CAMK4: variants seen among roughly 807,000 people sequenced by gnomAD.
CAMK4 encodes the protein calcium/calmodulin-dependent protein kinase type IV.
In CAMK4, 22 loss-of-function variants were observed where a neutral mutation model predicts 44.9. That is an observed-to-expected ratio of 0.49 (90% CI 0.35 to 0.70). The LOEUF (loss-of-function observed/expected upper bound fraction) is 0.70. Among genes scored for constraint, CAMK4 ranks in the 30% least tolerant of loss-of-function variants. The pLI, the probability that CAMK4 is intolerant of heterozygous loss-of-function variation, is 0.01. For synonymous variants in CAMK4, 218 were observed against 215.4 expected, an observed-to-expected ratio of 1.01 and a Z score of -0.11; for missense variants, 498 against 586.8, an observed-to-expected ratio of 0.85 and a Z score of 1.56.
intron 1 of CAMK4, among the ~76,000 whole-genome samples, chr5:111,255,994 A>T (rs968466664): frequency 2.6e-5 from 4 of 152,222 alleles, no homozygotes; most frequent in African/African-American, 9.6e-5. Context: ...ATACACACAC[A>T]CATATATATA....
chr5:111,407,831 G>A (rs1343720231), intron 5 of CAMK4, among the ~76,000 whole-genome samples: 1 of 152,142 alleles, frequency 6.6e-6, no homozygotes, highest in African/African-American at 2.4e-5. Flanking sequence ...AAGGGCTTAA[G>A]AAAGAATGAC....
At chr5:111,348,643 A>C (rs1297939750) in intron 2 of CAMK4, among the ~76,000 whole-genome samples, 4 of 152,034 alleles carry the variant, frequency 2.6e-5, no homozygotes, top group African/African-American at 7.2e-5. Context: ...ACAACAACAA[A>C]AAAAATGGTT....
At chr5:111,351,409 C>CTTTT (rs1230580699) in intron 2 of CAMK4, among the ~76,000 whole-genome samples, 2 of 142,634 alleles carry the variant, frequency 1.4e-5, no homozygotes, top group African/African-American at 5.1e-5. Context: ...TTTTCTTTTT[C>CTTTT]TTTTTTTTTT....
rs754529271 is a variant in CAMK4 at position 111,394,783 on chromosome 5, G to GT, written c.459+2dup. The GT allele has an allele frequency of 1.3e-6, 2 of 1,599,866 alleles. No homozygotes were observed. The highest frequency in any genetic ancestry group is 3.3e-5 in the Admixed American group (2 of 59,866). On this transcript the variant is annotated splice_donor_variant, in intron 5 of 10. Coordinates refer to ENST00000282356, the MANE Select transcript of CAMK4 (RefSeq NM_001744.6). LOFTEE classifies it high-confidence loss of function. ...TAAACAAATCCTGGAGGCAGTTGCT[G>GT]TAAGTATGAAGTAACAGCAATGGTG...
At chr5:111,327,457 T>G (rs1392419087) in intron 1 of CAMK4, among the ~76,000 whole-genome samples, 1 of 151,802 alleles carries the variant, frequency 6.6e-6, no homozygotes, top group South Asian at 2.1e-4. Flanking sequence ...TGAATAGTGC[T>G]ACAATAAACA....
intron 8 of CAMK4, among the ~76,000 whole-genome samples, chr5:111,474,442 C>T (rs540636845): frequency 1.3e-5 from 2 of 152,260 alleles, no homozygotes; most frequent in Admixed American, 6.5e-5. Context: ...AAAGCAAGCT[C>T]TGTGTACTCT....
At chr5:111,443,301 C>T (rs1753904740) in intron 5 of CAMK4, among the ~76,000 whole-genome samples, 1 of 136,978 alleles carries the variant, frequency 7.3e-6, no homozygotes, top group African/African-American at 2.7e-5. Flanking sequence ...CACACACACA[C>T]ACACACACAC....
intron 5 of CAMK4, among the ~76,000 whole-genome samples, chr5:111,408,985 G>A (rs553853706): frequency 6.6e-6 from 1 of 152,320 alleles, no homozygotes; most frequent in South Asian, 2.1e-4. Flanking sequence ...TCAGGGTACA[G>A]CTTCCCTCCC....
chr5:111,288,917 TCAGCCAG>T (rs1473668052), intron 1 of CAMK4, among the ~76,000 whole-genome samples: 1 of 152,258 alleles, frequency 6.6e-6, no homozygotes, highest in Admixed American at 6.5e-5. Context: ...GAAATATTTA[TCAGCCAG>T]TTCCTAGCTC....
intron 1 of CAMK4, among the ~76,000 whole-genome samples, chr5:111,259,478 G>A (rs550807673): frequency 1.3e-5 from 2 of 152,120 alleles, no homozygotes; most frequent in African/African-American, 2.4e-5. Flanking sequence ...GAAAAAATAC[G>A]AAAGCAAAGG....
intron 2 of CAMK4, among the ~76,000 whole-genome samples, chr5:111,346,822 A>AAAACAAAC (rs140958825): frequency 0.47 from 54,641 of 116,458 alleles, 10,222 homozygotes; most frequent in East Asian, 0.62. Flanking sequence ...CCCAGTGTGC[A>AAAACAAAC]AAACAAACAA....
At chr5:111,373,330 T>C (rs2112819775) in intron 2 of CAMK4, among the ~76,000 whole-genome samples, 1 of 152,266 alleles carries the variant, frequency 6.6e-6, no homozygotes, top group South Asian at 2.1e-4. Flanking sequence ...TTCCATCTCA[T>C]AAAAACTAAA....
chr5:111,267,108 A>G (rs1187926549), intron 1 of CAMK4, among the ~76,000 whole-genome samples: 1 of 152,120 alleles, frequency 6.6e-6, no homozygotes, highest in Admixed American at 6.5e-5. Flanking sequence ...TCCTATTAAT[A>G]TGATTCTGGT....
intron 2 of CAMK4, among the ~76,000 whole-genome samples, chr5:111,344,442 AC>A (rs1749787780): frequency 6.6e-6 from 1 of 151,708 alleles, no homozygotes; most frequent in African/African-American, 2.4e-5. Context: ...ATACACACAC[AC>A]ACACTATATA....
chr5:111,338,537 G>A (rs186607389), intron 1 of CAMK4, among the ~76,000 whole-genome samples: 8 of 151,378 alleles, frequency 5.3e-5, no homozygotes, highest in Admixed American at 2.0e-4. Context: ...AAAATTCTTT[G>A]CCAAGGCCAA....
chr5:111,374,726 A>G lies in CAMK4; in HGVS notation c.241-124A>G, dbSNP rs74438080. On this transcript the variant is annotated intron_variant, in intron 2 of 10. Transcript: ENST00000282356. ...AAGAAAGAGAGGAAGGAGACACACA[A>G]AAGCTAAGGAATTAGGCTCTGCGAA... 1,206 of 647,402 alleles carry G rather than the reference A, an allele frequency of 1.9e-3. 5 individuals are homozygous for G. The highest frequency in any genetic ancestry group is 2.6e-3 in the Non-Finnish European group (934 of 358,882). The allele number at this position is 647,402 out of a possible 1,614,324, so 40.1% of individuals were successfully genotyped here. A position where few individuals can be genotyped will look rare whatever the true frequency, so the allele number is the denominator to read the frequency against.
chr5:111,241,715 T>C (rs992826109), intron 1 of CAMK4, among the ~76,000 whole-genome samples: 12 of 152,232 alleles, frequency 7.9e-5, no homozygotes, highest in African/African-American at 2.9e-4. Context: ...AAAATAATGA[T>C]TGAATGTCTT....
chr5:111,471,270 T>A (rs951878672), intron 7 of CAMK4, among the ~76,000 whole-genome samples: 10 of 152,238 alleles, frequency 6.6e-5, no homozygotes, highest in African/African-American at 2.4e-4. Flanking sequence ...AACTCACAGA[T>A]GTCTGTGATG....
At chr5:111,478,324 G>C (rs1408379216) in intron 8 of CAMK4, 57 bp from the exon 9 acceptor site, 19 of 1,134,078 alleles carry the variant, frequency 1.7e-5, no homozygotes, top group Non-Finnish European at 2.3e-5. Context: ...ACAGAAATTG[G>C]ATGAAATATA....
Sources: gnomAD v4.1 joint callset for allele counts (sites outside exome capture counted in the v4.1 genomes callset) on GRCh38, gnomAD v4.1.1 for gene constraint, MANE v1.5 for transcripts, NCBI Gene and HGNC (gene_info 2026-07-23, HGNC 2026-07-21) for gene names.